PFKFB3: variants seen among roughly 807,000 people sequenced by gnomAD.
PFKFB3 encodes 6-phosphofructo-2-kinase/fructose-2,6-bisphosphatase 3.
PFKFB3 carries 33 observed loss-of-function variants against 68.0 expected under a neutral mutation model. The observed-to-expected ratio is 0.49, with a 90% CI of 0.37 to 0.65. The LOEUF (loss-of-function observed/expected upper bound fraction) is 0.65. PFKFB3 is among the 30% of genes least tolerant of loss of function. PFKFB3 has a pLI of 0.00. For synonymous variants in PFKFB3, 315 were observed against 288.2 expected (o/e 1.09, Z -0.94); for missense variants, 586 against 712.2 (o/e 0.82, Z 2.02).
intron 13 of PFKFB3, among the ~76,000 whole-genome samples, chr10:6,225,754 C>G (rs374608300): frequency 6.6e-6 from 1 of 151,890 alleles, no homozygotes; most frequent in South Asian, 2.1e-4. Flanking sequence ...GATCCTGCCT[C>G]GGGTCAGCGG....
chr10:6,168,832 C>T (rs1842216146), intron 1 of PFKFB3, among the ~76,000 whole-genome samples: 1 of 152,190 alleles, frequency 6.6e-6, no homozygotes, highest in Non-Finnish European at 1.5e-5. Context: ...GAGGCAGCCC[C>T]AGTGGTCTGA....
rs1382517523 is a variant in PFKFB3, at chr10:6,164,142, T to A, written c.16+19129T>A. ...CCCGGGCGCGCAGCCCGTTTCCCTG[T>A]GGGTTGAGGGCGCGGGAGAAGTGGG... On this transcript the variant is annotated intron_variant, in intron 1 of 14. Coordinates refer to the PFKFB3 transcript ENST00000379789. The A allele has an allele frequency of 2.0e-5, 3 of 152,162 alleles. No individual in the cohort carries two copies. In the East Asian group the frequency reaches 5.8e-4, roughly 29 times the overall value. The allele number at this position is 152,162 out of a possible 1,614,324, so 9.4% of individuals were successfully genotyped here.
chr10:6,212,390 C>T (rs1844288165), intron 1 of PFKFB3, among the ~76,000 whole-genome samples: 1 of 152,210 alleles, frequency 6.6e-6, no homozygotes, highest in Non-Finnish European at 1.5e-5. Context: ...GATGCCAAGA[C>T]CGTCATGTAG....
chr10:6,224,284 G>T, intron 13 of PFKFB3, 71 bp downstream of exon 13: 1 of 1,504,946 alleles, frequency 6.6e-7, no homozygotes. Context: ...GGGCGCTCAG[G>T]AGGCCCCGGG....
chr10:6,155,800 A>G (rs1841762958), intron 1 of PFKFB3, among the ~76,000 whole-genome samples: 1 of 152,210 alleles, frequency 6.6e-6, no homozygotes, highest in Admixed American at 6.5e-5. Context: ...TGAAAGTTAG[A>G]TGGCCTCATT....
chr10:6,203,867 C>T (rs920605440), intron 1 of PFKFB3, among the ~76,000 whole-genome samples: 1 of 152,172 alleles, frequency 6.6e-6, no homozygotes, highest in African/African-American at 2.4e-5. Context: ...CTGTTTCTAC[C>T]TCCTTCCTCT....
the PFKFB3 span, among the ~76,000 whole-genome samples, chr10:6,278,031 C>T: frequency 6.6e-6 from 1 of 151,574 alleles, no homozygotes; most frequent in African/African-American, 2.4e-5. Context: ...CATTCTCCTG[C>T]CTCAGCCTCC....
the PFKFB3 span, among the ~76,000 whole-genome samples, chr10:6,269,979 A>C: frequency 3.3e-5 from 5 of 152,020 alleles, no homozygotes; most frequent in African/African-American, 1.2e-4. Context: ...TAAAAATACA[A>C]AAATTAGCTG....
At chr10:6,168,010 A>G (rs1842193115) in intron 1 of PFKFB3, among the ~76,000 whole-genome samples, 2 of 152,180 alleles carry the variant, frequency 1.3e-5, no homozygotes, top group Non-Finnish European at 1.5e-5. Context: ...TCTCTAAATG[A>G]CAGATAGTAG....
downstream of PFKFB3, among the ~76,000 whole-genome samples, chr10:6,258,107 T>C (rs34297298): frequency 0.15 from 22,843 of 152,078 alleles, 2,234 homozygotes; most frequent in African/African-American, 0.26. Context: ...GAGTTCAAAG[T>C]ACATCGACGG....
Position 6,232,908 on chromosome 10 carries a change from C to A in PFKFB3, c.1529C>A (p.Ser510Tyr). ...TCCTGAAAACAGAACATGAAAGGCT[C>A]CCGGAGCAGCGCTGACTCCTCCAGG... ...TQLPGQNMKG[S>Y]RSSADSSRKH The change falls in exon 15 of 15, where the codon TCC (serine) becomes TAC (tyrosine). Residue 510 changes from serine (S) to tyrosine (Y), a missense_variant. By Grantham distance (144) the Ser-to-Tyr change is moderately radical (BLOSUM62 -2). Coordinates refer to ENST00000379775, the MANE Select transcript of PFKFB3 (RefSeq NM_004566.4). The A allele has an allele frequency of 6.2e-7, 1 of 1,613,302 alleles. No individual in the cohort carries two copies. Among genetic ancestry groups the A allele is most frequent in the Non-Finnish European group, 8.5e-7 (1 of 1,179,496 alleles).
chr10:6,200,683 T>TGGGGGG (rs1564613510), upstream of PFKFB3, among the ~76,000 whole-genome samples: 1 of 9,644 alleles, frequency 1.0e-4, no homozygotes, highest in Non-Finnish European at 2.4e-4. Flanking sequence ...GGGCGGGGGG[T>TGGGGGG]GGTGGTGGGG....
At chr10:6,225,713 G>C (rs988453186) in intron 13 of PFKFB3, among the ~76,000 whole-genome samples, 4 of 149,872 alleles carry the variant, frequency 2.7e-5, no homozygotes, top group Non-Finnish European at 3.0e-5. Flanking sequence ...CTAAGCCAGG[G>C]TGCCCTTTGT....
At chr10:6,278,985 C>T in the PFKFB3 span, among the ~76,000 whole-genome samples, 14 of 152,218 alleles carry the variant, frequency 9.2e-5, no homozygotes, top group African/African-American at 3.4e-4. Context: ...TGTTATAGGG[C>T]TGCGGCGAGA....
chr10:6,311,758 GAAAAAAGA>G, the PFKFB3 span, among the ~76,000 whole-genome samples: 1 of 151,552 alleles, frequency 6.6e-6, no homozygotes, highest in African/African-American at 2.4e-5. Context: ...CAAAAAAAAA[GAAAAAAGA>G]AAAAAAGAAA....
chr10:6,298,165 T>C, the PFKFB3 span, among the ~76,000 whole-genome samples: 3 of 152,186 alleles, frequency 2.0e-5, no homozygotes, highest in African/African-American at 4.8e-5. Flanking sequence ...GAGGAGACAC[T>C]GTGACCTGGC....
downstream of PFKFB3, among the ~76,000 whole-genome samples, chr10:6,257,074 C>T (rs1036342211): frequency 6.6e-6 from 1 of 152,138 alleles, no homozygotes; most frequent in African/African-American, 2.4e-5. Context: ...TTTCACTGTC[C>T]TCACAATTCG....
At chr10:6,242,830 C>T (rs545205204) in intron 14 of PFKFB3, among the ~76,000 whole-genome samples, 11 of 152,314 alleles carry the variant, frequency 7.2e-5, no homozygotes, top group East Asian at 3.9e-4. Flanking sequence ...TGAGGTGATC[C>T]GCCCACCTCG....
chr10:6,149,337 C>T (rs185406872), intron 1 of PFKFB3, among the ~76,000 whole-genome samples: 9 of 152,014 alleles, frequency 5.9e-5, no homozygotes, highest in Non-Finnish European at 1.3e-4. Flanking sequence ...CCTATAATCC[C>T]AGCACTTGGG....
Sources: gnomAD v4.1 joint callset for allele counts (sites outside exome capture counted in the v4.1 genomes callset) on GRCh38, gnomAD v4.1.1 for gene constraint, MANE v1.5 for transcripts, NCBI Gene and HGNC (gene_info 2026-07-23, HGNC 2026-07-21) for gene names.